The following NRG1 variants were observed in gnomAD, a reference collection of about 807,000 sequenced individuals.
NRG1 encodes the protein pro-neuregulin-1, membrane-bound isoform.
Under a neutral mutation model 63.8 loss-of-function variants are expected in NRG1, and 18 were observed. The observed-to-expected ratio is 0.28, with a 90% CI of 0.19 to 0.42. The LOEUF (loss-of-function observed/expected upper bound fraction) is 0.42, where lower values mean the gene tolerates loss of function less well. Ranked by LOEUF, NRG1 falls within the 10% of genes least tolerant of loss-of-function variation. The probability of loss-of-function intolerance (pLI) is 1.00; values close to 1 mark genes in which losing one functional copy is unlikely to be tolerated. For synonymous variants in NRG1, 302 were observed against 301.3 expected, an observed-to-expected ratio of 1.00 and a Z score of -0.02; for missense variants, 762 against 814.7, an observed-to-expected ratio of 0.94 and a Z score of 0.79.
At chr8:32,332,511 A>G (rs1042194257) in intron 1 of NRG1, among the ~76,000 whole-genome samples, 2 of 152,174 alleles carry the variant, frequency 1.3e-5, no homozygotes, top group South Asian at 4.1e-4. Flanking sequence ...ATACACCATT[A>G]CAATGCATTA....
chr8:32,541,518 A>AAG (rs1181200859), intron 1 of NRG1, among the ~76,000 whole-genome samples: 4 of 151,810 alleles, frequency 2.6e-5, no homozygotes, highest in Non-Finnish European at 5.9e-5. Flanking sequence ...AAAAAAAAAA[A>AAG]AAGAGTTGAC....
intron 1 of NRG1, among the ~76,000 whole-genome samples, chr8:32,284,489 G>GCCTGCCTGCCTGCCTT (rs1338557078): frequency 0.031 from 4,055 of 132,514 alleles, 111 homozygotes; most frequent in African/African-American, 0.078. Flanking sequence ...CTGCCTGCCT[G>GCCTGCCTGCCTGCCTT]CCTTCCTTCC....
intron 1 of NRG1, among the ~76,000 whole-genome samples, chr8:31,723,977 T>A (rs1020117191): frequency 1.3e-5 from 2 of 152,158 alleles, no homozygotes; most frequent in African/African-American, 4.8e-5. Context: ...ATGTCATTCT[T>A]CCTGGATTTT....
intron 1 of NRG1, among the ~76,000 whole-genome samples, chr8:32,065,675 A>G (rs1824666496): frequency 6.6e-6 from 1 of 152,192 alleles, no homozygotes; most frequent in African/African-American, 2.4e-5. Flanking sequence ...TAGCAGCATG[A>G]TTTATAATCC....
intron 10 of NRG1, among the ~76,000 whole-genome samples, chr8:32,759,992 G>T (rs1294844827): frequency 6.6e-6 from 1 of 152,170 alleles, no homozygotes; most frequent in South Asian, 2.1e-4. Context: ...TGAATATACT[G>T]TATCCTTACA....
At chr8:32,648,352 C>T (rs1160468761) in intron 5 of NRG1, 1 of 1,614,008 alleles carries the variant, frequency 6.2e-7, no homozygotes, top group African/African-American at 1.3e-5. Flanking sequence ...CCACAAACAA[C>T]AGAAACTAAT....
chr8:32,672,132 C>A (rs1805837044), intron 5 of NRG1, among the ~76,000 whole-genome samples: 1 of 152,064 alleles, frequency 6.6e-6, no homozygotes, highest in Admixed American at 6.5e-5. Context: ...GCAACCTCCA[C>A]CTCCCGGGTT....
intron 1 of NRG1, among the ~76,000 whole-genome samples, chr8:31,913,186 A>G (rs1046959913): frequency 2.0e-5 from 3 of 152,186 alleles, no homozygotes; most frequent in Admixed American, 2.0e-4. Context: ...CCAGACTCCA[A>G]AGCATGTACT....
At chr8:31,806,618 C>T (rs1822314074) in intron 1 of NRG1, among the ~76,000 whole-genome samples, 1 of 152,048 alleles carries the variant, frequency 6.6e-6, no homozygotes, top group Admixed American at 6.5e-5. Flanking sequence ...AACCTAATAC[C>T]CTTTCTTCTT....
intron 1 of NRG1, among the ~76,000 whole-genome samples, chr8:31,929,988 C>T (rs762571861): frequency 6.6e-6 from 1 of 152,210 alleles, no homozygotes; most frequent in African/African-American, 2.4e-5. Context: ...TCTTGTTCTC[C>T]AGGCAGTATG....
chr8:32,468,547 C>A (rs181845742), intron 1 of NRG1, among the ~76,000 whole-genome samples: 141 of 152,280 alleles, frequency 9.3e-4, no homozygotes, highest in African/African-American at 3.3e-3. Context: ...TTTAACATTT[C>A]TCTGAATAAC....
intron 1 of NRG1, among the ~76,000 whole-genome samples, chr8:31,694,052 A>G (rs1374617081): frequency 6.6e-6 from 1 of 152,154 alleles, no homozygotes; most frequent in East Asian, 1.9e-4. Flanking sequence ...CATGTTGCCC[A>G]GGCTGGTCTC....
intron 1 of NRG1, among the ~76,000 whole-genome samples, chr8:31,842,288 T>G (rs1826269432): frequency 6.6e-6 from 1 of 152,220 alleles, no homozygotes; most frequent in Non-Finnish European, 1.5e-5. Flanking sequence ...TATATTTGCT[T>G]ATATGTGTCA....
intron 2 of NRG1, among the ~76,000 whole-genome samples, chr8:32,601,333 A>AC (rs1250055314): frequency 6.6e-6 from 1 of 152,152 alleles, no homozygotes; most frequent in Non-Finnish European, 1.5e-5. Flanking sequence ...GAAACCACTG[A>AC]TCTAATTTAA....
intron 5 of NRG1, among the ~76,000 whole-genome samples, chr8:32,656,014 A>G (rs931199816): frequency 7.9e-5 from 12 of 152,126 alleles, no homozygotes; most frequent in Non-Finnish European, 1.3e-4. Context: ...ATGGGAATTA[A>G]CGTCTATGAG....
chr8:32,013,081 T>TTA (rs1273272184), intron 1 of NRG1, among the ~76,000 whole-genome samples: 4 of 152,004 alleles, frequency 2.6e-5, no homozygotes, highest in Admixed American at 6.6e-5. Flanking sequence ...GGAAGAGTCT[T>TTA]TATACAATCA....
At chr8:31,812,633 C>T (rs757961271) in intron 1 of NRG1, among the ~76,000 whole-genome samples, 2 of 151,386 alleles carry the variant, frequency 1.3e-5, no homozygotes, top group Non-Finnish European at 2.9e-5. Context: ...CCTTTCCTCC[C>T]TTCCCATCCC....
chr8:31,777,722 A>C (rs939055068), intron 1 of NRG1, among the ~76,000 whole-genome samples: 1 of 152,194 alleles, frequency 6.6e-6, no homozygotes, highest in Non-Finnish European at 1.5e-5. Context: ...GGCAGAAGGA[A>C]AAAGGAACAG....
At position 31,994,653 on chromosome 8, in the gene NRG1, CAAAAAAAA is replaced by C. The variant is rs59019886; in HGVS notation, c.37+355240_37+355247del. Among the ~76,000 whole-genome samples, 4 of 62,336 alleles carry C rather than the reference CAAAAAAAA, an allele frequency of 6.4e-5. No individual in the cohort carries two copies. In the East Asian group the frequency reaches 1.7e-3, roughly 27 times the overall value. 40.9% of individuals were successfully genotyped at this position (62,336 alleles called of 152,430 possible). Reference sequence around the variant, plus strand: ...TGGGTGACAGAGCAATACTCTGTCTCAAAAAAAAAAAAAAAAAAAAAAAAAGACTTCAA... The same window carrying C: ...TGGGTGACAGAGCAATACTCTGTCTCAAAAAAAAAAAAAAAAAGACTTCAA... On this transcript the variant is annotated intron_variant, in intron 1 of 10. Transcript: ENST00000519301.
Sources: gnomAD v4.1 joint callset for allele counts (sites outside exome capture counted in the v4.1 genomes callset) on GRCh38, gnomAD v4.1.1 for gene constraint, MANE v1.5 for transcripts, NCBI Gene and HGNC (gene_info 2026-07-23, HGNC 2026-07-21) for gene names.